The following RBFOX1 variants were observed in gnomAD, a reference collection of about 807,000 sequenced individuals.
RBFOX1 encodes RNA binding protein fox-1 homolog 1.
A neutral mutation model predicts 57.7 loss-of-function variants in RBFOX1; 8 were observed. That is an observed-to-expected ratio of 0.14 (90% CI 0.08 to 0.25). The LOEUF is 0.25. Among genes scored for constraint, RBFOX1 ranks in the 10% least tolerant of loss-of-function variants. The pLI is 1.00. For synonymous variants in RBFOX1, 326 were observed against 222.4 expected, an observed-to-expected ratio of 1.47 and a Z score of -4.15; for missense variants, 611 against 548.5, an observed-to-expected ratio of 1.11 and a Z score of -1.14.
intron 14 of RBFOX1, among the ~76,000 whole-genome samples, chr16:7,699,861 A>G (rs2080084450): frequency 6.6e-6 from 1 of 152,092 alleles, no homozygotes; most frequent in Admixed American, 6.6e-5. Flanking sequence ...TCAAATGAAT[A>G]TTGAAAGAGT....
intron 3 of RBFOX1, among the ~76,000 whole-genome samples, chr16:5,779,293 A>G (rs921331717): frequency 2.0e-5 from 3 of 152,202 alleles, no homozygotes; most frequent in African/African-American, 7.2e-5. Context: ...TTAAATTGTG[A>G]AAAGTTAAGA....
At chr16:7,140,949 C>T (rs1399131659) in intron 4 of RBFOX1, among the ~76,000 whole-genome samples, 4 of 152,058 alleles carry the variant, frequency 2.6e-5, no homozygotes, top group South Asian at 4.1e-4. Flanking sequence ...CAGAGCCTAA[C>T]GTGGAATTGG....
intron 2 of RBFOX1, among the ~76,000 whole-genome samples, chr16:6,415,020 A>T (rs1453640915): frequency 6.6e-6 from 1 of 152,100 alleles, no homozygotes; most frequent in African/African-American, 2.4e-5. Flanking sequence ...AGACAGGCGG[A>T]TCACCTGAGG....
intron 2 of RBFOX1, among the ~76,000 whole-genome samples, chr16:6,505,760 G>A (rs771014860): frequency 6.6e-5 from 10 of 152,192 alleles, no homozygotes; most frequent in Admixed American, 1.3e-4. Flanking sequence ...AATCACATAC[G>A]TAAGAGTGGT....
chr16:5,508,420 C>G (rs1198509321), intron 2 of RBFOX1, among the ~76,000 whole-genome samples: 1 of 152,202 alleles, frequency 6.6e-6, no homozygotes, highest in East Asian at 1.9e-4. Context: ...AGTCTCCTAG[C>G]AAGGTAGATG....
rs2066347845 is a variant in RBFOX1, at chr16:6,723,048, C to G, written c.-16+68398C>G. ...AAGTGGAAAGGATCTGAGAGCTACCCAGGCTTTGGGGAGGGGATGGGCAAT... is the reference window on the plus strand; with the variant it reads ...AAGTGGAAAGGATCTGAGAGCTACCGAGGCTTTGGGGAGGGGATGGGCAAT... On this transcript the variant is annotated intron_variant, in intron 3 of 15. Coordinates refer to ENST00000550418, the MANE Select transcript of RBFOX1 (RefSeq NM_018723.4). 2.6e-5 allele frequency among the ~76,000 whole-genome samples: 4 copies of G among 152,082 alleles called. No homozygotes were observed. The South Asian group carries it at 8.3e-4, about 32-fold the overall frequency.
chr16:6,212,735 A>C (rs906831995), intron 1 of RBFOX1, among the ~76,000 whole-genome samples: 7 of 151,976 alleles, frequency 4.6e-5, no homozygotes, highest in Non-Finnish European at 7.4e-5. Flanking sequence ...AAACAAAAAA[A>C]AAACCCACTA....
intron 3 of RBFOX1, among the ~76,000 whole-genome samples, chr16:7,042,898 C>G (rs1039419022): frequency 5.3e-5 from 8 of 152,050 alleles, no homozygotes; most frequent in Admixed American, 5.2e-4. Flanking sequence ...TGCACTCCAG[C>G]CTGGGTGACA....
intron 4 of RBFOX1, among the ~76,000 whole-genome samples, chr16:5,878,654 G>A (rs937728591): frequency 1.3e-5 from 2 of 152,052 alleles, no homozygotes; most frequent in Non-Finnish European, 2.9e-5. Flanking sequence ...CTTGACTTAG[G>A]GCTGATATCC....
At chr16:7,319,313 G>A (rs1177993591) in intron 4 of RBFOX1, among the ~76,000 whole-genome samples, 2 of 152,174 alleles carry the variant, frequency 1.3e-5, no homozygotes, top group African/African-American at 4.8e-5. Context: ...TTAATGGAAT[G>A]CTGACATGTT....
chr16:6,824,940 T>C (rs1056403712), intron 3 of RBFOX1, among the ~76,000 whole-genome samples: 8 of 149,452 alleles, frequency 5.4e-5, no homozygotes, highest in African/African-American at 2.0e-4. Context: ...CATGATTAAG[T>C]GCATCCTTCT....
At chr16:6,457,877 A>G (rs1419210274) in intron 2 of RBFOX1, among the ~76,000 whole-genome samples, 2 of 152,166 alleles carry the variant, frequency 1.3e-5, no homozygotes, top group Admixed American at 6.5e-5. Context: ...CTCCCCTGCA[A>G]TTCAGTTTAC....
intron 1 of RBFOX1, among the ~76,000 whole-genome samples, chr16:5,298,998 T>A (rs559066963): frequency 2.3e-5 from 3 of 132,442 alleles, no homozygotes; most frequent in African/African-American, 8.7e-5. Context: ...GGTTTTGACT[T>A]GCATACACCC....
In RBFOX1 at chr16:6,834,380, A is replaced by T. The variant is rs190065523; in HGVS notation, c.-16+179730A>T. ...GCATGAGGCACCACGCCTGGCCCTG[A>T]TCCAAAAAATATTTTAATAAGATCT... On this transcript the variant is annotated intron_variant, in intron 3 of 15. Coordinates refer to ENST00000550418, the MANE Select transcript of RBFOX1 (RefSeq NM_018723.4). Among the ~76,000 whole-genome samples, 35 of 152,176 alleles carry T rather than the reference A, an allele frequency of 2.3e-4. 1 individual carries two copies. The highest frequency in any genetic ancestry group is 7.9e-4 in the African/African-American group (33 of 41,516).
At chr16:6,035,051 A>T (rs1470251369) in intron 1 of RBFOX1, among the ~76,000 whole-genome samples, 1 of 151,094 alleles carries the variant, frequency 6.6e-6, no homozygotes, top group Non-Finnish European at 1.5e-5. Flanking sequence ...TCTGTTGTGC[A>T]GGCTGTCCTG....
intron 3 of RBFOX1, among the ~76,000 whole-genome samples, chr16:7,010,217 T>G (rs2093585826): frequency 6.6e-6 from 1 of 152,254 alleles, no homozygotes; most frequent in Non-Finnish European, 1.5e-5. Flanking sequence ...TATTAAGTCC[T>G]GAAGCTCAAA....
chr16:5,830,092 G>C (rs913277962), intron 3 of RBFOX1, among the ~76,000 whole-genome samples: 2 of 152,190 alleles, frequency 1.3e-5, no homozygotes, highest in African/African-American at 4.8e-5. Flanking sequence ...GGCTAGGATT[G>C]TCTAGCATCC....
chr16:6,678,672 C>G (rs756960020), intron 3 of RBFOX1, among the ~76,000 whole-genome samples: 24 of 151,370 alleles, frequency 1.6e-4, no homozygotes, highest in Non-Finnish European at 2.8e-4. Flanking sequence ...ACACAAGATA[C>G]ACAGAACAAA....
rs533843404 is a variant in RBFOX1 at position 6,999,233 on chromosome 16, T to A, written c.-15-52824T>A. On this transcript the variant is annotated intron_variant, in intron 3 of 15. Coordinates refer to ENST00000550418, the MANE Select transcript of RBFOX1 (RefSeq NM_018723.4). ...TTTTATTTATTTTTTTTATTTATTT[T>A]TTTTTTTAGAGATCAGGTCTCACTT... is the stretch of plus-strand genomic sequence containing the variant. Among the ~76,000 whole-genome samples the A allele has an allele frequency of 1.4e-3, 202 of 146,346 alleles. 4 individuals carry two copies. Among genetic ancestry groups the A allele is most frequent in the Non-Finnish European group, 2.4e-3 (163 of 66,700 alleles).
Sources: allele counts gnomAD v4.1 joint callset (sites outside exome capture counted in the v4.1 genomes callset), GRCh38; gene constraint gnomAD v4.1.1; transcripts MANE v1.5; gene names NCBI Gene and HGNC (gene_info 2026-07-23, HGNC 2026-07-21).